The following KIF16B variants were observed in gnomAD, a reference collection of about 807,000 sequenced individuals.
KIF16B encodes the protein kinesin family member 16B.
In KIF16B, 98 loss-of-function variants were observed where a neutral mutation model predicts 156.3. The observed-to-expected ratio is 0.63, with a 90% CI of 0.53 to 0.74. KIF16B has a LOEUF of 0.74. Among genes scored for constraint, KIF16B ranks in the 30% least tolerant of loss-of-function variants. KIF16B has a pLI of 0.00. For synonymous variants in KIF16B, 564 were observed against 583.7 expected, an observed-to-expected ratio of 0.97 and a Z score of 0.49; for missense variants, 1,421 against 1,606.5, an observed-to-expected ratio of 0.88 and a Z score of 1.97.
chr20:16,567,945 T>C (rs908553835), intron 1 of KIF16B, among the ~76,000 whole-genome samples: 5 of 152,102 alleles, frequency 3.3e-5, no homozygotes, highest in Admixed American at 1.3e-4. Context: ...GAGCGAGACT[T>C]CGTCTCAAAA....
intron 24 of KIF16B, among the ~76,000 whole-genome samples, chr20:16,315,012 T>C (rs989968970): frequency 6.6e-6 from 1 of 152,112 alleles, no homozygotes; most frequent in Non-Finnish European, 1.5e-5. Flanking sequence ...GTTGGTTGTT[T>C]TGTCATTTTC....
intron 10 of KIF16B, among the ~76,000 whole-genome samples, chr20:16,502,710 A>G (rs6135768): frequency 0.23 from 34,441 of 152,086 alleles, 4,482 homozygotes; most frequent in East Asian, 0.36. Flanking sequence ...AAAGGTTTTT[A>G]ATCTATATAA....
At position 16,552,824 on chromosome 20, in the gene KIF16B, T is replaced by G. The variant is rs374358557; in HGVS notation, c.47+20405A>C. 2.0e-5 allele frequency among the ~76,000 whole-genome samples: 3 copies of G among 152,094 alleles called. No homozygotes were observed. In the East Asian group the frequency reaches 5.8e-4, roughly 29 times the overall value. On this transcript the variant is annotated intron_variant, in intron 1 of 25. Transcript: ENST00000354981. ...TTTATTATTTTTTTTTAAGACAGAG[T>G]GCAGTGGTGTGATCTTGGCTCCCTG... is the stretch of plus-strand genomic sequence containing the variant.
intron 12 of KIF16B, among the ~76,000 whole-genome samples, chr20:16,466,617 G>A (rs1213493622): frequency 2.6e-5 from 4 of 152,316 alleles, no homozygotes; most frequent in South Asian, 2.1e-4. Context: ...CTTCTGCCAC[G>A]ATTGTGAGGC....
intron 1 of KIF16B, among the ~76,000 whole-genome samples, chr20:16,531,513 C>T (rs969830528): frequency 2.6e-5 from 4 of 152,146 alleles, no homozygotes; most frequent in African/African-American, 7.2e-5. Context: ...GAAGTACCAA[C>T]GCGACTGCCC....
intron 12 of KIF16B, among the ~76,000 whole-genome samples, chr20:16,470,239 T>C (rs1489369420): frequency 2.6e-5 from 4 of 152,132 alleles, no homozygotes; most frequent in African/African-American, 9.7e-5. Context: ...GAAACTATTC[T>C]TTATGATGTT....
intron 1 of KIF16B, among the ~76,000 whole-genome samples, chr20:16,542,127 G>A (rs1375481322): frequency 3.3e-5 from 5 of 152,182 alleles, no homozygotes; most frequent in Admixed American, 6.5e-5. Context: ...TGGGGCTACC[G>A]AGCTAGACAG....
At chr20:16,539,263 G>C (rs759612359) in intron 1 of KIF16B, among the ~76,000 whole-genome samples, 7 of 152,092 alleles carry the variant, frequency 4.6e-5, no homozygotes, top group Non-Finnish European at 7.3e-5. Flanking sequence ...GGAAAAGTTC[G>C]GAATTTCCTA....
At chr20:16,541,856 G>GCC (rs2070215699) in intron 1 of KIF16B, among the ~76,000 whole-genome samples, 1 of 152,198 alleles carries the variant, frequency 6.6e-6, no homozygotes, top group African/African-American at 2.4e-5. Context: ...GTTGCCACAG[G>GCC]TTGGGCACAG....
At chr20:16,396,689 T>A (rs1355031360) in intron 17 of KIF16B, among the ~76,000 whole-genome samples, 1 of 140,724 alleles carries the variant, frequency 7.1e-6, no homozygotes, top group Admixed American at 7.1e-5. Context: ...AAATTTCCCA[T>A]AATGAACACA....
intron 25 of KIF16B, among the ~76,000 whole-genome samples, chr20:16,290,813 G>A (rs1358858644): frequency 6.6e-6 from 1 of 152,166 alleles, no homozygotes; most frequent in African/African-American, 2.4e-5. Context: ...GCCTGAATAT[G>A]TCAGGGAAGA....
At chr20:16,543,966 C>T (rs1424712043) in intron 1 of KIF16B, among the ~76,000 whole-genome samples, 1 of 152,186 alleles carries the variant, frequency 6.6e-6, no homozygotes, top group African/African-American at 2.4e-5. Context: ...GCTGGCACTC[C>T]TAATCTGATT....
At chr20:16,480,508 T>C (rs2067950772) in intron 12 of KIF16B, among the ~76,000 whole-genome samples, 1 of 152,144 alleles carries the variant, frequency 6.6e-6, no homozygotes, top group African/African-American at 2.4e-5. Flanking sequence ...ACTTAAATAA[T>C]GATAAAATAC....
At position 16,573,264 on chromosome 20, in the gene KIF16B, G is replaced by C. The variant is rs2071523825; in HGVS notation, c.12C>G (p.Val4=). The C allele has an allele frequency of 6.2e-7, 1 of 1,608,992 alleles. No individual in the cohort carries two copies. The highest frequency in any genetic ancestry group is 8.5e-7 in the Non-Finnish European group (1 of 1,178,686). The change falls in exon 1 of 26, where the codon GTC becomes GTG. Residue 4 remains valine, a synonymous_variant. Transcript: ENST00000354981. ...TGGGCCGGACCCTCACGGCCACCTTGACCGATGCCATCGCTCATCCCGAAC... is the reference window on the plus strand; with the variant it reads ...TGGGCCGGACCCTCACGGCCACCTTCACCGATGCCATCGCTCATCCCGAAC... MAS[V]KVAVRVRPMN...
intron 1 of KIF16B, among the ~76,000 whole-genome samples, chr20:16,555,769 C>G (rs6044112): frequency 2.0e-5 from 3 of 152,126 alleles, no homozygotes; most frequent in Non-Finnish European, 2.9e-5. Flanking sequence ...AAAACAAAAA[C>G]AACCACAAAA....
chr20:16,306,341 A>G (rs2063540485), intron 25 of KIF16B, among the ~76,000 whole-genome samples: 1 of 152,180 alleles, frequency 6.6e-6, no homozygotes, highest in South Asian at 2.1e-4. Flanking sequence ...CTTGCAGTCA[A>G]TGACCTGGTA....
chr20:16,410,174 T>TAC (rs1355002539), intron 15 of KIF16B, among the ~76,000 whole-genome samples: 41 of 143,762 alleles, frequency 2.9e-4, no homozygotes, highest in Middle Eastern at 3.6e-3. Flanking sequence ...TAGGTACATA[T>TAC]ATATATGTAG....
chr20:16,550,561 T>A (rs1321075487), intron 1 of KIF16B, among the ~76,000 whole-genome samples: 1 of 135,796 alleles, frequency 7.4e-6, no homozygotes, highest in Non-Finnish European at 1.5e-5. Flanking sequence ...TGACACAGGG[T>A]TCACTCAGTC....
At chr20:16,450,801 G>A (rs1444858712) in intron 12 of KIF16B, among the ~76,000 whole-genome samples, 3 of 152,204 alleles carry the variant, frequency 2.0e-5, no homozygotes, top group Non-Finnish European at 4.4e-5. Flanking sequence ...AACAAACAGA[G>A]TCATATTTGA....
Sources: gnomAD v4.1 joint callset for allele counts (sites outside exome capture counted in the v4.1 genomes callset) on GRCh38, gnomAD v4.1.1 for gene constraint, MANE v1.5 for transcripts, NCBI Gene and HGNC (gene_info 2026-07-23, HGNC 2026-07-21) for gene names.